Variants in CLHC1 observed in about 807,000 individuals in gnomAD.
CLHC1 encodes the protein clathrin heavy chain linker domain-containing protein 1.
A neutral mutation model predicts 69.5 loss-of-function variants in CLHC1; 72 were observed. The ratio of observed to expected loss-of-function variants is 1.04; its 90% CI spans 0.86 to 1.26. CLHC1 has a LOEUF of 1.26. CLHC1 is among the 50% of genes most tolerant of loss of function. The pLI, the probability that CLHC1 is intolerant of heterozygous loss-of-function variation, is 0.00. For missense variants in CLHC1, 790 were observed against 679.3 expected, an observed-to-expected ratio of 1.16 and a Z score of -1.81; for synonymous variants, 223 against 224.3, an observed-to-expected ratio of 0.99 and a Z score of 0.05.
chr2:55,205,773 T>C (rs111586818), intron 9 of CLHC1: 1,996 of 153,020 alleles, frequency 0.013, 24 homozygotes, highest in Non-Finnish European at 0.019. Flanking sequence ...CACACACCTG[T>C]AATCCCAGCT....
intron 9 of CLHC1, among the ~76,000 whole-genome samples, chr2:55,205,518 G>A (rs746074936): frequency 5.3e-5 from 8 of 152,066 alleles, no homozygotes; most frequent in Non-Finnish European, 8.8e-5. Flanking sequence ...AGAGAACTAG[G>A]AAGTAGCAGG....
At chr2:55,217,715 C>G in intron 4 of CLHC1, 96 bp downstream of exon 4, 2 of 692,364 alleles carry the variant, frequency 2.9e-6, no homozygotes, top group East Asian at 6.2e-5. Context: ...AATTGAAATT[C>G]AATAAGACTA....
chr2:55,206,158 G>C (rs927545937), intron 9 of CLHC1, 112 bp downstream of exon 9: 4 of 635,556 alleles, frequency 6.3e-6, no homozygotes, highest in African/African-American at 5.5e-5. Flanking sequence ...AAATGGTAGA[G>C]ATAGGGCTGG....
intron 12 of CLHC1, among the ~76,000 whole-genome samples, chr2:55,176,414 T>G (rs1669395824): frequency 6.6e-6 from 1 of 152,166 alleles, no homozygotes; most frequent in African/African-American, 2.4e-5. Context: ...TTTCAAACAC[T>G]TATATAAATG....
chr2:55,211,363 G>T (rs930675297), intron 5 of CLHC1, among the ~76,000 whole-genome samples: 2 of 151,878 alleles, frequency 1.3e-5, no homozygotes, highest in African/African-American at 2.4e-5. Flanking sequence ...TTAGCCGGGC[G>T]TGGTGGCAGG....
At chr2:55,196,719 G>C (rs78347836) in intron 9 of CLHC1, among the ~76,000 whole-genome samples, 17,490 of 152,218 alleles carry the variant, frequency 0.11, 1,214 homozygotes, top group East Asian at 0.28. Context: ...TGTGGGTCTT[G>C]GGTAAGACTC....
intron 4 of CLHC1, among the ~76,000 whole-genome samples, chr2:55,217,603 C>T (rs2864819): frequency 0.79 from 95,759 of 121,782 alleles, 37,693 homozygotes; most frequent in African/African-American, 0.85. Flanking sequence ...GTACTATAAA[C>T]GTTCTCAAAC....
chr2:55,195,801 AAAACAAACAAAC>A (rs552325832), intron 9 of CLHC1, among the ~76,000 whole-genome samples: 8 of 152,196 alleles, frequency 5.3e-5, no homozygotes, highest in Admixed American at 5.2e-4. Context: ...TCTTGTCTCA[AAAACAAACAAAC>A]AAACAAACAA....
At position 55,176,004 on chromosome 2, in the gene CLHC1, A is replaced by C. The variant is rs1669357582; in HGVS notation, c.1565-18T>G. ...TACTGCATCTGTGGGGAAAAAATAC[A>C]ATATTATAGTATGGCACTTATTTGA... On this transcript the variant is annotated intron_variant, in intron 12 of 12. Transcript: ENST00000401408. The C allele has an allele frequency of 6.3e-7, 1 of 1,578,242 alleles. No homozygotes were observed.
chr2:55,208,861 T>A (rs1672696617), intron 7 of CLHC1, 151 bp from the exon 8 acceptor site: 1 of 427,406 alleles, frequency 2.3e-6, no homozygotes, highest in Non-Finnish European at 4.0e-6. Flanking sequence ...CCCGTCCCTT[T>A]CCTCTTTTTT....
At chr2:55,204,068 T>G (rs1381907277) in intron 9 of CLHC1, among the ~76,000 whole-genome samples, 1 of 152,178 alleles carries the variant, frequency 6.6e-6, no homozygotes, top group Admixed American at 6.5e-5. Flanking sequence ...GTGGATCACC[T>G]AAGGTCAGGA....
At chr2:55,185,309 T>C (rs574080726) in intron 9 of CLHC1, among the ~76,000 whole-genome samples, 1 of 152,144 alleles carries the variant, frequency 6.6e-6, no homozygotes, top group East Asian at 1.9e-4. Context: ...GGGCTAAAAC[T>C]AGAAATCATG....
chr2:55,213,323 C>G (rs1354580524), intron 4 of CLHC1, among the ~76,000 whole-genome samples: 1 of 152,246 alleles, frequency 6.6e-6, no homozygotes, highest in African/African-American at 2.4e-5. Context: ...GACTTCATCA[C>G]TTCAGTCTCT....
chr2:55,177,106 C>A (rs1446446464), intron 12 of CLHC1, among the ~76,000 whole-genome samples: 1 of 152,132 alleles, frequency 6.6e-6, no homozygotes, highest in East Asian at 1.9e-4. Flanking sequence ...CTCCTGAGCT[C>A]AAGCGATCCA....
At chr2:55,217,552 A>AATACATATAT (rs1673679194) in intron 4 of CLHC1, among the ~76,000 whole-genome samples, 1 of 43,156 alleles carries the variant, frequency 2.3e-5, no homozygotes, top group African/African-American at 1.2e-4. Context: ...AAAAAAAAAA[A>AATACATATAT]ATATATATAT....
In CLHC1 at chr2:55,173,650, G is replaced by A. The variant is rs958709592; in HGVS notation, c.*2140C>T. Among the ~76,000 whole-genome samples, 1 of 152,130 alleles carries A rather than the reference G, an allele frequency of 6.6e-6. No homozygotes were observed. Among genetic ancestry groups the A allele is most frequent in the African/African-American group, 2.4e-5 (1 of 41,432 alleles). On this transcript the variant is annotated 3_prime_UTR_variant, in exon 13 of 13. Transcript: ENST00000401408. ...CTCCTTCAGTGTAGCTTACATGGAG[G>A]CTCTTATAGCTTCAAAGCCCTCTGT...
intron 8 of CLHC1, among the ~76,000 whole-genome samples, chr2:55,207,182 T>C (rs918180890): frequency 3.3e-5 from 5 of 152,002 alleles, no homozygotes; most frequent in South Asian, 2.1e-4. Context: ...AAGCCTATGT[T>C]GTTCTGCCAG....
rs368074205 is a variant in CLHC1, at chr2:55,221,266, C to T, written c.177+969G>A. Reference sequence around the variant, plus strand: ...CTTATTTCACTGTCAAGGCATCTTCCGGGGATGGGGTGGAAAAAAAAAGCT... The same window carrying T: ...CTTATTTCACTGTCAAGGCATCTTCTGGGGATGGGGTGGAAAAAAAAAGCT... On this transcript the variant is annotated intron_variant, in intron 3 of 12. Coordinates refer to ENST00000401408, the MANE Select transcript of CLHC1 (RefSeq NM_152385.4). Among the ~76,000 whole-genome samples, 8 of 152,038 alleles carry T rather than the reference C, an allele frequency of 5.3e-5. No individual in the cohort carries two copies. The East Asian group carries it at 1.4e-3, about 26-fold the overall frequency.
At chr2:55,220,738 A>G (rs1278459536) in intron 3 of CLHC1, among the ~76,000 whole-genome samples, 1 of 152,212 alleles carries the variant, frequency 6.6e-6, no homozygotes, top group Non-Finnish European at 1.5e-5. Context: ...AACATGTTAC[A>G]GTTATGACTT....
Sources: gnomAD v4.1 joint callset for allele counts (sites outside exome capture counted in the v4.1 genomes callset) on GRCh38, gnomAD v4.1.1 for gene constraint, MANE v1.5 for transcripts, NCBI Gene and HGNC (gene_info 2026-07-23, HGNC 2026-07-21) for gene names.